Variants in XRCC4 observed in about 807,000 individuals in gnomAD.
The protein encoded by XRCC4 is X-ray repair cross complementing 4.
XRCC4 carries 28 observed loss-of-function variants against 39.1 expected under a neutral mutation model. That is an observed-to-expected ratio of 0.72 (90% CI 0.53 to 0.98). The LOEUF is 0.98. Among genes scored for constraint, XRCC4 ranks in the 50% least tolerant of loss-of-function variants. The pLI, the probability that XRCC4 is intolerant of heterozygous loss-of-function variation, is 0.00. For missense variants in XRCC4, 350 were observed against 376.4 expected (o/e 0.93, Z 0.58); for synonymous variants, 123 against 126.4 (o/e 0.97, Z 0.18).
intron 7 of XRCC4, among the ~76,000 whole-genome samples, chr5:83,295,980 G>A (rs1243270601): frequency 6.6e-6 from 1 of 152,082 alleles, no homozygotes; most frequent in African/African-American, 2.4e-5. Flanking sequence ...TTAGGAGGCT[G>A]TTGTAATCCA....
At chr5:83,079,696 C>T (rs1744847724) in intron 1 of XRCC4, among the ~76,000 whole-genome samples, 1 of 151,946 alleles carries the variant, frequency 6.6e-6, no homozygotes, top group Non-Finnish European at 1.5e-5. Flanking sequence ...CCATACTTGG[C>T]TAATTTTATT....
At chr5:83,098,962 A>G (rs1745802771) in intron 1 of XRCC4, among the ~76,000 whole-genome samples, 1 of 152,130 alleles carries the variant, frequency 6.6e-6, no homozygotes, top group African/African-American at 2.4e-5. Flanking sequence ...TAGCAATTAT[A>G]TATGTTCCTG....
chr5:83,269,075 T>C (rs1165356424), intron 7 of XRCC4, among the ~76,000 whole-genome samples: 1 of 152,176 alleles, frequency 6.6e-6, no homozygotes, highest in African/African-American at 2.4e-5. Flanking sequence ...GTGTTCTCAC[T>C]GAATAATAAG....
chr5:83,121,727 T>C (rs1468374044), intron 3 of XRCC4, among the ~76,000 whole-genome samples: 1 of 152,202 alleles, frequency 6.6e-6, no homozygotes, highest in Non-Finnish European at 1.5e-5. Flanking sequence ...TTACTTTTTT[T>C]TCTTTTATTA....
chr5:83,293,473 C>G (rs968585555), intron 7 of XRCC4, among the ~76,000 whole-genome samples: 3 of 151,682 alleles, frequency 2.0e-5, no homozygotes, highest in African/African-American at 7.3e-5. Context: ...AAACTGCTCC[C>G]TGTTTGAAAA....
intron 3 of XRCC4, among the ~76,000 whole-genome samples, chr5:83,193,809 G>T (rs1185783177): frequency 6.6e-6 from 1 of 152,108 alleles, no homozygotes; most frequent in Admixed American, 6.5e-5. Flanking sequence ...CCACTTTGTG[G>T]GTTTATGTTT....
chr5:83,092,897 A>G (rs1214405568), intron 1 of XRCC4, among the ~76,000 whole-genome samples: 2 of 152,148 alleles, frequency 1.3e-5, no homozygotes, highest in African/African-American at 2.4e-5. Context: ...AAAAGACCCA[A>G]TGATAGAAAA....
chr5:83,373,862 T>C, the XRCC4 span, among the ~76,000 whole-genome samples: 6 of 152,208 alleles, frequency 3.9e-5, no homozygotes, highest in East Asian at 1.2e-3. Flanking sequence ...TCCAATGATA[T>C]GGTTTGTAAA....
chr5:83,363,016 G>A, the XRCC4 span, among the ~76,000 whole-genome samples: 7 of 152,308 alleles, frequency 4.6e-5, no homozygotes, highest in South Asian at 1.0e-3. Flanking sequence ...CCAGGTTTTT[G>A]AAAGTCTAGA....
At chr5:83,096,232 G>C (rs980546280) in intron 1 of XRCC4, among the ~76,000 whole-genome samples, 1 of 152,116 alleles carries the variant, frequency 6.6e-6, no homozygotes, top group Non-Finnish European at 1.5e-5. Context: ...GTGGGATAGA[G>C]GGTGGCAATC....
At chr5:83,357,656 G>A (rs1193872526), downstream of XRCC4, among the ~76,000 whole-genome samples, 3 of 152,170 alleles carry the variant, frequency 2.0e-5, no homozygotes, top group South Asian at 2.1e-4. Flanking sequence ...AACAGTGAGC[G>A]ACGTTATGTC....
chr5:83,130,675 G>C (rs1162773285), intron 3 of XRCC4, among the ~76,000 whole-genome samples: 1 of 152,038 alleles, frequency 6.6e-6, no homozygotes, highest in Admixed American at 6.6e-5. Flanking sequence ...CAGGGATTCA[G>C]CTTCTTCCTG....
intron 3 of XRCC4, among the ~76,000 whole-genome samples, chr5:83,192,971 C>T (rs1750780934): frequency 6.6e-6 from 1 of 152,160 alleles, no homozygotes; most frequent in African/African-American, 2.4e-5. Context: ...TAAAAATTGA[C>T]ACAACAGTAC....
chr5:83,310,142 A>G (rs1189750926), intron 7 of XRCC4, among the ~76,000 whole-genome samples: 1 of 152,226 alleles, frequency 6.6e-6, no homozygotes, highest in African/African-American at 2.4e-5. Flanking sequence ...GCATCTGGCT[A>G]CAGGATCTCA....
intron 1 of XRCC4, among the ~76,000 whole-genome samples, chr5:83,083,677 G>T (rs551293174): frequency 3.9e-5 from 6 of 152,032 alleles, no homozygotes; most frequent in Admixed American, 2.6e-4. Flanking sequence ...GGGATTACAG[G>T]CATGAGCCAC....
chr5:83,310,496 C>T (rs540140376), intron 7 of XRCC4, among the ~76,000 whole-genome samples: 37 of 152,124 alleles, frequency 2.4e-4, no homozygotes, highest in Non-Finnish European at 4.6e-4. Context: ...CACATTTATT[C>T]TGTGTACCTT....
chr5:83,132,015 A>T (rs6452516), intron 3 of XRCC4, among the ~76,000 whole-genome samples: 1 of 151,930 alleles, frequency 6.6e-6, no homozygotes, highest in Admixed American at 6.6e-5. Context: ...GCAGTGGCTC[A>T]TACTGGTTGT....
At chr5:83,309,699 G>T (rs1755637368) in intron 7 of XRCC4, among the ~76,000 whole-genome samples, 1 of 148,032 alleles carries the variant, frequency 6.8e-6, no homozygotes, top group South Asian at 2.1e-4. Flanking sequence ...GGGAGGCGGA[G>T]GTTGCAGTGA....
chr5:83,258,769 TTTAAAG>T, intron 7 of XRCC4, 92 bp downstream of exon 7: 2 of 1,387,040 alleles, frequency 1.4e-6, no homozygotes, highest in Non-Finnish European at 2.0e-6. Context: ...TTTGAACGTT[TTTAAAG>T]TTATTTTTAA....
Sources: gnomAD v4.1 joint callset for allele counts (sites outside exome capture counted in the v4.1 genomes callset) on GRCh38, gnomAD v4.1.1 for gene constraint, MANE v1.5 for transcripts, NCBI Gene and HGNC (gene_info 2026-07-23, HGNC 2026-07-21) for gene names.